HS3ST4: variants seen among roughly 807,000 people sequenced by gnomAD.
HS3ST4 encodes the protein heparan sulfate-glucosamine 3-sulfotransferase 4.
HS3ST4 carries 17 observed loss-of-function variants against 29.2 expected under a neutral mutation model. The observed-to-expected ratio is 0.58, with a 90% confidence interval of 0.40 to 0.87. The LOEUF (loss-of-function observed/expected upper bound fraction) is 0.87, where lower values mean the gene tolerates loss of function less well. HS3ST4 is among the 40% of genes least tolerant of loss of function. HS3ST4 has a pLI of 0.00. For synonymous variants in HS3ST4, 314 were observed against 285.7 expected, an observed-to-expected ratio of 1.10 and a Z score of -1.00; for missense variants, 627 against 634.5, an observed-to-expected ratio of 0.99 and a Z score of 0.13.
intron 1 of HS3ST4, among the ~76,000 whole-genome samples, chr16:25,790,106 T>G (rs776391722): frequency 1.3e-5 from 2 of 152,162 alleles, no homozygotes; most frequent in Non-Finnish European, 2.9e-5. Context: ...GGTCATAATG[T>G]GTACTTACCT....
intron 1 of HS3ST4, among the ~76,000 whole-genome samples, chr16:25,986,640 T>A (rs1464511641): frequency 6.6e-6 from 1 of 152,252 alleles, no homozygotes; most frequent in African/African-American, 2.4e-5. Flanking sequence ...TGCTTATGAA[T>A]AAAATTTAGT....
intron 1 of HS3ST4, among the ~76,000 whole-genome samples, chr16:25,744,846 C>T (rs1192334837): frequency 1.4e-4 from 21 of 152,156 alleles, no homozygotes; most frequent in African/African-American, 3.1e-4. Flanking sequence ...CCATGTAAGA[C>T]GTGAATTGCT....
chr16:25,858,279 CGT>C (rs1967604298), intron 1 of HS3ST4, among the ~76,000 whole-genome samples: 1 of 151,996 alleles, frequency 6.6e-6, no homozygotes, highest in East Asian at 1.9e-4. Flanking sequence ...ATCTTTCACT[CGT>C]TCATAGAAAT....
intron 1 of HS3ST4, among the ~76,000 whole-genome samples, chr16:25,700,660 T>C (rs1966328482): frequency 6.6e-6 from 1 of 152,212 alleles, no homozygotes; most frequent in African/African-American, 2.4e-5. Flanking sequence ...ATGATCTCTC[T>C]GGAATGGATT....
At chr16:25,768,365 G>A (rs563518999) in intron 1 of HS3ST4, among the ~76,000 whole-genome samples, 1 of 152,266 alleles carries the variant, frequency 6.6e-6, no homozygotes, top group Non-Finnish European at 1.5e-5. Context: ...GGCCCTAGTA[G>A]GGCATCTGCA....
intron 1 of HS3ST4, among the ~76,000 whole-genome samples, chr16:25,708,605 T>C (rs915405038): frequency 8.7e-4 from 132 of 152,364 alleles, no homozygotes; most frequent in Non-Finnish European, 4.4e-5. Context: ...ACATATGCCA[T>C]ATATTAAATT....
At chr16:25,722,840 A>G (rs1966506853) in intron 1 of HS3ST4, among the ~76,000 whole-genome samples, 1 of 152,208 alleles carries the variant, frequency 6.6e-6, no homozygotes, top group African/African-American at 2.4e-5. Context: ...ATTACATGAG[A>G]TGGCACATGA....
At chr16:26,090,504 A>G (rs1438730212) in intron 1 of HS3ST4, among the ~76,000 whole-genome samples, 6 of 151,932 alleles carry the variant, frequency 3.9e-5, no homozygotes, top group African/African-American at 1.5e-4. Context: ...AAGGGTGCAC[A>G]AAATTTCCCA....
intron 1 of HS3ST4, among the ~76,000 whole-genome samples, chr16:25,924,450 G>C (rs1305371741): frequency 1.3e-5 from 2 of 152,148 alleles, no homozygotes; most frequent in African/African-American, 2.4e-5. Context: ...TGAAGTTATA[G>C]CTGTGCTAGA....
chr16:25,906,028 A>G (rs1241546021), intron 1 of HS3ST4, among the ~76,000 whole-genome samples: 1 of 152,184 alleles, frequency 6.6e-6, no homozygotes, highest in Non-Finnish European at 1.5e-5. Flanking sequence ...ATATATATCA[A>G]AGTGGTGGCG....
chr16:25,941,300 C>G (rs1968569682), intron 1 of HS3ST4, among the ~76,000 whole-genome samples: 1 of 152,076 alleles, frequency 6.6e-6, no homozygotes. Flanking sequence ...GCTGGGATTA[C>G]AGGCATGCAT....
rs966983898 is a variant in HS3ST4, at chr16:25,815,200, G to C, written c.734+122049G>C. Among the ~76,000 whole-genome samples, 14 of 152,258 alleles carry C rather than the reference G, an allele frequency of 9.2e-5. No individual in the cohort carries two copies. The East Asian group carries it at 2.5e-3, about 27-fold the overall frequency. On this transcript the variant is annotated intron_variant, in intron 1 of 1. Transcript: ENST00000331351. ...TGTCCAGTGACTTTTGTGCACAGAGGGTTGTGTCACTTCTTTGCTTAATCT... is the reference window on the plus strand; with the variant it reads ...TGTCCAGTGACTTTTGTGCACAGAGCGTTGTGTCACTTCTTTGCTTAATCT...
intron 1 of HS3ST4, among the ~76,000 whole-genome samples, chr16:25,935,218 C>A (rs1968506703): frequency 2.0e-5 from 3 of 152,148 alleles, no homozygotes; most frequent in Non-Finnish European, 2.9e-5. Context: ...TCAGGTATTT[C>A]TTTATAGCAG....
At position 25,984,882 on chromosome 16, in the gene HS3ST4, C is replaced by T. The variant is rs556400413; in HGVS notation, c.735-150730C>T. On this transcript the variant is annotated intron_variant, in intron 1 of 1. Transcript: ENST00000331351. ...TGCAACATGTTTCATAAAGAACTGTCGCAGCAGCTCAGATCCTTCCAAGAT... is the reference window on the plus strand; with the variant it reads ...TGCAACATGTTTCATAAAGAACTGTTGCAGCAGCTCAGATCCTTCCAAGAT... Among the ~76,000 whole-genome samples the T allele has an allele frequency of 6.8e-4, 103 of 152,292 alleles. 1 individual carries two copies. The highest frequency in any genetic ancestry group is 2.2e-3 in the African/African-American group (93 of 41,548).
intron 1 of HS3ST4, among the ~76,000 whole-genome samples, chr16:25,917,547 A>T (rs1968304787): frequency 6.6e-6 from 1 of 152,158 alleles, no homozygotes; most frequent in Non-Finnish European, 1.5e-5. Flanking sequence ...TGTGAATTGG[A>T]TAGGGAAGCC....
chr16:26,071,232 T>C (rs1400377597), intron 1 of HS3ST4, among the ~76,000 whole-genome samples: 2 of 152,204 alleles, frequency 1.3e-5, no homozygotes, highest in South Asian at 2.1e-4. Flanking sequence ...GAACCCACTA[T>C]GAAAACATCC....
chr16:25,939,330 C>T (rs199948320), intron 1 of HS3ST4, among the ~76,000 whole-genome samples: 814 of 33,676 alleles, frequency 0.024, 6 homozygotes, highest in African/African-American at 0.068. Context: ...TTATTATTAT[C>T]ATTATTATTA....
chr16:25,694,940 T>C (rs1021506526), intron 1 of HS3ST4, among the ~76,000 whole-genome samples: 8 of 151,956 alleles, frequency 5.3e-5, no homozygotes, highest in Non-Finnish European at 8.8e-5. Flanking sequence ...TAATGAAGGA[T>C]GTGTGGTGGA....
chr16:25,843,460 C>T lies in HS3ST4; in HGVS notation c.734+150309C>T, dbSNP rs1341393412. On this transcript the variant is annotated intron_variant, in intron 1 of 1. Transcript: ENST00000331351. ...TCTTGGAGGCTGTTCATGACCTAGC[C>T]TCAGACCTGCATCACTTCCACAGTA... is the stretch of plus-strand genomic sequence containing the variant. 3.3e-5 allele frequency among the ~76,000 whole-genome samples: 5 copies of T among 152,182 alleles called. No homozygotes were observed. The East Asian group carries it at 9.6e-4, about 29-fold the overall frequency.
Sources: gnomAD v4.1 joint callset for allele counts (sites outside exome capture counted in the v4.1 genomes callset) on GRCh38, gnomAD v4.1.1 for gene constraint, MANE v1.5 for transcripts, NCBI Gene and HGNC (gene_info 2026-07-23, HGNC 2026-07-21) for gene names.